The following CHL1 variants were observed in gnomAD, a reference collection of about 807,000 sequenced individuals.
CHL1 encodes the protein cell adhesion molecule L1 like.
In CHL1, 96 loss-of-function variants were observed where a neutral mutation model predicts 141.9. The ratio of observed to expected loss-of-function variants is 0.68; its 90% CI spans 0.57 to 0.80. CHL1 has a LOEUF of 0.80. CHL1 is among the 30% of genes least tolerant of loss of function. CHL1 has a pLI of 0.00. For missense variants in CHL1, 1,820 were observed against 1,457.2 expected (o/e 1.25, Z -4.05); for synonymous variants, 613 against 502.2 (o/e 1.22, Z -2.95).
chr3:316,528 C>A (rs1449649034), intron 2 of CHL1, among the ~76,000 whole-genome samples: 2 of 151,578 alleles, frequency 1.3e-5, no homozygotes, highest in Admixed American at 6.6e-5. Context: ...CCCAGTTTAC[C>A]CAGATTCATA....
At chr3:324,997 C>T (rs892886906) in intron 3 of CHL1, among the ~76,000 whole-genome samples, 1 of 151,658 alleles carries the variant, frequency 6.6e-6, no homozygotes, top group African/African-American at 2.4e-5. Flanking sequence ...TCTATTAATG[C>T]CATTATGCAT....
intron 2 of CHL1, among the ~76,000 whole-genome samples, chr3:260,966 C>G (rs762895140): frequency 6.6e-6 from 1 of 152,128 alleles, no homozygotes; most frequent in Non-Finnish European, 1.5e-5. Flanking sequence ...TTCCGTCGGC[C>G]TTATTTATTG....
chr3:369,474 G>C (rs1468686098), intron 15 of CHL1, among the ~76,000 whole-genome samples: 1 of 152,196 alleles, frequency 6.6e-6, no homozygotes, highest in Non-Finnish European at 1.5e-5. Flanking sequence ...TGCTAAAATT[G>C]CTTATCAGTT....
At chr3:366,565 T>G (rs1417799146) in intron 15 of CHL1, among the ~76,000 whole-genome samples, 1 of 151,780 alleles carries the variant, frequency 6.6e-6, no homozygotes, top group African/African-American at 2.4e-5. Context: ...TCTGCTATCA[T>G]ATGTTTATCA....
intron 2 of CHL1, among the ~76,000 whole-genome samples, chr3:266,919 AC>A (rs1205771062): frequency 6.6e-6 from 1 of 152,074 alleles, no homozygotes; most frequent in Non-Finnish European, 1.5e-5. Context: ...AAATCATTTC[AC>A]CCTCCCCTTA....
chr3:353,156 C>T (rs1014755910), intron 10 of CHL1, among the ~76,000 whole-genome samples: 1 of 152,046 alleles, frequency 6.6e-6, no homozygotes, highest in Non-Finnish European at 1.5e-5. Flanking sequence ...TAGTAAATAT[C>T]CTAATGGCAA....
chr3:320,119 T>C (rs186627732), intron 3 of CHL1, among the ~76,000 whole-genome samples: 1 of 152,164 alleles, frequency 6.6e-6, no homozygotes, highest in Non-Finnish European at 1.5e-5. Context: ...TAGTAACCTA[T>C]AGATAAGCTA....
intron 5 of CHL1, among the ~76,000 whole-genome samples, chr3:329,888 C>A (rs1026939417): frequency 6.6e-6 from 1 of 151,892 alleles, no homozygotes; most frequent in African/African-American, 2.4e-5. Context: ...TGTTAAAATA[C>A]CTGAAGCAAA....
At chr3:311,918 A>T (rs1699783518) in intron 2 of CHL1, among the ~76,000 whole-genome samples, 1 of 152,214 alleles carries the variant, frequency 6.6e-6, no homozygotes, top group South Asian at 2.1e-4. Flanking sequence ...CCATCCCTGT[A>T]GTCAAATGAC....
At chr3:223,411 T>C (rs1462384499) in intron 1 of CHL1, among the ~76,000 whole-genome samples, 1 of 152,198 alleles carries the variant, frequency 6.6e-6, no homozygotes, top group African/African-American at 2.4e-5. Flanking sequence ...ATTCTTGGAG[T>C]AATTTACTAT....
At position 407,950 on chromosome 3, in the gene CHL1, A is replaced by C. The variant is rs1270189191; in HGVS notation, c.*2239A>C. 6.6e-6 allele frequency: 1 copy of C among 152,096 alleles called. No individual in the cohort carries two copies. Among genetic ancestry groups the C allele is most frequent in the Non-Finnish European group, 1.5e-5 (1 of 68,004 alleles). The allele number at this position is 152,096 out of a possible 1,614,324, so 9.4% of individuals were successfully genotyped here. On this transcript the variant is annotated 3_prime_UTR_variant, in exon 28 of 28. Transcript: ENST00000256509. ...GATTGAATGATGACTATGCTTTGCTATCATTGTTACCTTTCCTCAATACTA... is the reference window on the plus strand; with the variant it reads ...GATTGAATGATGACTATGCTTTGCTCTCATTGTTACCTTTCCTCAATACTA...
intron 5 of CHL1, among the ~76,000 whole-genome samples, chr3:337,653 G>A (rs187444293): frequency 2.6e-5 from 4 of 152,106 alleles, no homozygotes; most frequent in African/African-American, 9.6e-5. Context: ...TGCTGATAAT[G>A]ATGGTTTTCA....
At chr3:308,103 A>T (rs1182903634) in intron 2 of CHL1, among the ~76,000 whole-genome samples, 1 of 152,140 alleles carries the variant, frequency 6.6e-6, no homozygotes, top group Non-Finnish European at 1.5e-5. Context: ...TTACATTCAG[A>T]TCCATATTTA....
intron 11 of CHL1, among the ~76,000 whole-genome samples, chr3:358,515 A>C (rs530074032): frequency 6.6e-6 from 1 of 152,180 alleles, no homozygotes; most frequent in East Asian, 1.9e-4. Flanking sequence ...GAACGTGTAC[A>C]TCTTTCAGGG....
At chr3:236,478 T>C (rs1691994418) in intron 1 of CHL1, among the ~76,000 whole-genome samples, 1 of 152,182 alleles carries the variant, frequency 6.6e-6, no homozygotes, top group South Asian at 2.1e-4. Context: ...AGCAATGAAA[T>C]GCATATCCTC....
chr3:230,407 G>A (rs1172320542), intron 1 of CHL1, among the ~76,000 whole-genome samples: 1 of 151,932 alleles, frequency 6.6e-6, no homozygotes, highest in East Asian at 1.9e-4. Flanking sequence ...ACCAGCTGAT[G>A]ACTTGAAAAA....
intron 15 of CHL1, chr3:373,980 CACTT>C (rs1462973483): frequency 6.6e-6 from 1 of 152,252 alleles, no homozygotes; most frequent in Non-Finnish European, 1.5e-5. Flanking sequence ...AGGATTCACA[CACTT>C]ACTATAGTTC....
chr3:254,775 TA>T (rs1393587905), intron 2 of CHL1, among the ~76,000 whole-genome samples: 1 of 152,164 alleles, frequency 6.6e-6, no homozygotes, highest in Non-Finnish European at 1.5e-5. Context: ...GCAAGCTAGC[TA>T]AATCCTGCAT....
At chr3:305,029 C>T (rs1699104726) in intron 2 of CHL1, among the ~76,000 whole-genome samples, 1 of 152,184 alleles carries the variant, frequency 6.6e-6, no homozygotes, top group South Asian at 2.1e-4. Context: ...TCGTTTTTGA[C>T]TGTCAGGCAT....
Sources: allele counts gnomAD v4.1 joint callset (sites outside exome capture counted in the v4.1 genomes callset), GRCh38; gene constraint gnomAD v4.1.1; transcripts MANE v1.5; gene names NCBI Gene and HGNC (gene_info 2026-07-23, HGNC 2026-07-21).